The following MAST1 variants were observed in gnomAD, a reference collection of about 807,000 sequenced individuals.
The protein encoded by MAST1 is microtubule associated serine/threonine kinase 1.
A neutral mutation model predicts 124.6 loss-of-function variants in MAST1; 40 were observed. The ratio of observed to expected loss-of-function variants is 0.32; its 90% CI spans 0.25 to 0.42. The LOEUF (loss-of-function observed/expected upper bound fraction) is 0.42. MAST1 is among the 10% of genes least tolerant of loss of function. The pLI is 1.00. For synonymous variants in MAST1, 938 were observed against 939.4 expected, an observed-to-expected ratio of 1.00 and a Z score of 0.03; for missense variants, 1,558 against 2,181.9, an observed-to-expected ratio of 0.71 and a Z score of 5.70.
chr19:12,858,887 C>T (rs749649420), intron 12 of MAST1, 148 bp downstream of exon 12: 452 of 729,212 alleles, frequency 6.2e-4, no homozygotes, highest in Non-Finnish European at 9.3e-4. Context: ...TTGATTTGTC[C>T]ATCCATTCTA....
At position 12,845,441 on chromosome 19, in the gene MAST1, A is replaced by AGGTGTGAT. The variant is rs1346838498; in HGVS notation, c.327+1837_328-1839dup. ...AAAAAAAAAAAAAAAAAAATTAGCC[A>AGGTGTGAT]GGTGTGATGGCTTGTGCCTGAAGTC... is the stretch of plus-strand genomic sequence containing the variant. On this transcript the variant is annotated intron_variant, in intron 4 of 25. Coordinates refer to ENST00000251472, the MANE Select transcript of MAST1 (RefSeq NM_014975.3). Among the ~76,000 whole-genome samples the AGGTGTGAT allele has an allele frequency of 2.8e-5, 4 of 142,980 alleles. No individual in the cohort carries two copies. In the East Asian group the frequency reaches 8.1e-4, roughly 29 times the overall value. 93.8% of individuals were successfully genotyped at this position (142,980 alleles called of 152,430 possible).
chr19:12,840,847 A>G, intron 2 of MAST1, 144 bp from the exon 3 acceptor site: 2 of 767,842 alleles, frequency 2.6e-6, no homozygotes, highest in Non-Finnish European at 4.9e-6. Flanking sequence ...CAACGAAAAA[A>G]TTTAGAGAGG....
Position 12,874,390 on chromosome 19 carries a change from G to A in MAST1, c.4233G>A (p.Ala1411=), listed in dbSNP as rs940376323. The A allele has an allele frequency of 1.3e-6, 2 of 1,598,572 alleles. No individual in the cohort carries two copies. Among genetic ancestry groups the A allele is most frequent in the Non-Finnish European group, 1.7e-6 (2 of 1,179,126 alleles). Reference sequence around the variant, plus strand: ...TGGCCAGGGCTGTGGCCAAGGCGGCGCTGAGCCCGGTGCAGGAACACGAGA... The same window carrying A: ...TGGCCAGGGCTGTGGCCAAGGCGGCACTGAGCCCGGTGCAGGAACACGAGA... ...GGMARAVAKA[A]LSPVQEHETG... is the part of the protein sequence containing the mutation. Residue 1411 remains alanine (A), a synonymous_variant, in exon 26 of 26, where the codon GCG becomes GCA. Coordinates refer to ENST00000251472, the MANE Select transcript of MAST1 (RefSeq NM_014975.3). The surrounding 1 kb of genome is among the most constrained non-coding windows in gnomAD (Gnocchi z 6.6).
chr19:12,852,431 T>A, intron 10 of MAST1, 36 bp downstream of exon 10: 1 of 1,497,324 alleles, frequency 6.7e-7, no homozygotes, highest in Non-Finnish European at 9.3e-7. Flanking sequence ...GTACCCTGGT[T>A]CCTGGGAGGG....
In MAST1 at chr19:12,862,983, T is replaced by C. The variant is rs576345085; in HGVS notation, c.1367-1826T>C. 2.6e-4 allele frequency among the ~76,000 whole-genome samples: 39 copies of C among 151,782 alleles called. 1 individual carries two copies. In the South Asian group the frequency reaches 7.1e-3, roughly 27 times the overall value. The stretch of plus-strand genomic sequence containing the variant: ...TGCCCGGCCAATGAAACCCTGTTTC[T>C]ACTAAAATTACAAAAATTAGCCAGG... On this transcript the variant is annotated intron_variant, in intron 12 of 25. Coordinates refer to ENST00000251472, the MANE Select transcript of MAST1 (RefSeq NM_014975.3).
chr19:12,857,003 GT>G (rs936878738), intron 10 of MAST1, among the ~76,000 whole-genome samples: 1 of 152,128 alleles, frequency 6.6e-6, no homozygotes, highest in Non-Finnish European at 1.5e-5. Context: ...AGGTTTTGGA[GT>G]TTTTTCTCCC....
rs1416953014 is a variant in MAST1 at position 12,847,805 on chromosome 19, C to A, written c.565-43C>A. The A allele has an allele frequency of 6.3e-7, 1 of 1,583,072 alleles. No individual in the cohort carries two copies. The highest frequency in any genetic ancestry group is 8.6e-7 in the Non-Finnish European group (1 of 1,161,918). ...CAGCGCAGGCTCCTGGCGGCCGCAGCCTTCGGGCACAGCCCCGCGCCCCTC... is the reference window on the plus strand; with the variant it reads ...CAGCGCAGGCTCCTGGCGGCCGCAGACTTCGGGCACAGCCCCGCGCCCCTC... On this transcript the variant is annotated intron_variant, in intron 6 of 25. Transcript: ENST00000251472. This position sits in a 1 kb window ranked among gnomAD's most constrained non-coding sequence, Gnocchi z 5.5.
intron 20 of MAST1, 100 bp from the exon 21 acceptor site, chr19:12,868,543 T>C: frequency 9.6e-7 from 1 of 1,038,630 alleles, no homozygotes; most frequent in Non-Finnish European, 1.4e-6. Context: ...TCACCATCCA[T>C]CAAGGGTAAA....
chr19:12,866,674 A>C lies in MAST1; in HGVS notation c.2051A>C (p.His684Pro). The C allele has an allele frequency of 6.2e-7, 1 of 1,613,824 alleles. No individual in the cohort carries two copies. The change falls in exon 18 of 26, where the codon CAC becomes CCC. Residue 684 changes from histidine to proline, a missense_variant. By Grantham distance (77) the His-to-Pro change is moderately conservative. This residue lies in a region of MAST1 where 145 missense variants were observed against 350.0 expected (regional missense o/e 0.41). Coordinates refer to ENST00000251472, the MANE Select transcript of MAST1 (RefSeq NM_014975.3). The surrounding 1 kb of genome is among the most constrained non-coding windows in gnomAD (Gnocchi z 5.2). ...YFDTRSDRYH[H>P]VNSYDEDDTT... Reference sequence around the variant, plus strand: ...CCAGCCCGCTCAGACAGGTATCACCACGTGAACTCCTATGACGAGGATGAC... The same window carrying C: ...CCAGCCCGCTCAGACAGGTATCACCCCGTGAACTCCTATGACGAGGATGAC...
Position 12,865,935 on chromosome 19 carries a change from T to C in MAST1, c.1907-45T>C, listed in dbSNP as rs1970148698. ...GAAGACATGGGGGGCGGGGCTGGGCTGCTGGGTTGGCCATCAGCTGTGGCT... is the reference window on the plus strand; with the variant it reads ...GAAGACATGGGGGGCGGGGCTGGGCCGCTGGGTTGGCCATCAGCTGTGGCT... On this transcript the variant is annotated intron_variant, in intron 16 of 25. Coordinates refer to ENST00000251472, the MANE Select transcript of MAST1 (RefSeq NM_014975.3). The surrounding 1 kb of genome is among the most constrained non-coding windows in gnomAD (Gnocchi z 7.1). 2 of 1,612,676 alleles carry C rather than the reference T, an allele frequency of 1.2e-6. No individual in the cohort carries two copies. Among genetic ancestry groups the C allele is most frequent in the Admixed American group, 1.7e-5 (1 of 59,970 alleles).
At chr19:12,873,004 G>T (rs1022857011) in intron 24 of MAST1, among the ~76,000 whole-genome samples, 4 of 152,152 alleles carry the variant, frequency 2.6e-5, no homozygotes, top group African/African-American at 4.8e-5. Flanking sequence ...AGGAGCTAAA[G>T]GAAGTTCTAT....
At position 12,874,740 on chromosome 19, in the gene MAST1, C is replaced by T; in HGVS notation, c.4583C>T (p.Pro1528Leu). The change falls in exon 26 of 26, where the codon CCA (proline) becomes CTA (leucine). Residue 1528 changes from proline to leucine, a missense_variant. Pro to Leu is a moderately conservative substitution (Grantham distance 98, BLOSUM62 -3). Coordinates refer to ENST00000251472, the MANE Select transcript of MAST1 (RefSeq NM_014975.3). The surrounding 1 kb of genome is among the most constrained non-coding windows in gnomAD (Gnocchi z 6.6). ...CCCAGCAGTGCAGTGACCCCAGTCC[C>T]ACCCGCATCCCTCTTGGGCTCAGGC... ...SAPSSAVTPVPPASLLGSGTK... is the reference protein window; with the variant it reads ...SAPSSAVTPVLPASLLGSGTK... The T allele has an allele frequency of 1.2e-6, 2 of 1,602,108 alleles. No individual in the cohort carries two copies. Among genetic ancestry groups the T allele is most frequent in the Non-Finnish European group, 1.7e-6 (2 of 1,171,030 alleles).
intron 4 of MAST1, among the ~76,000 whole-genome samples, chr19:12,846,659 C>G (rs549764976): frequency 6.6e-6 from 1 of 151,920 alleles, no homozygotes; most frequent in African/African-American, 2.4e-5. Flanking sequence ...GGTGGATCAC[C>G]TGATGTCAGG....
At chr19:12,840,797 T>A (rs1001823160) in intron 2 of MAST1, among the ~76,000 whole-genome samples, 194 bp from the exon 3 acceptor site, 1 of 148,422 alleles carries the variant, frequency 6.7e-6, no homozygotes, top group Non-Finnish European at 1.5e-5. Context: ...CCATCCCAGA[T>A]GAAGCCAGAA....
chr19:12,852,220 C>T lies in MAST1; in HGVS notation c.982C>T (p.Leu328=). ...TDIPRYIIRQ[L]GLTRDPFPDV... is the part of the protein sequence containing the mutation. Reference sequence around the variant, plus strand: ...CATCCCCCGCTACATCATCCGCCAGCTGGGCCTCACCCGTGACCCCTTTCC... The same window carrying T: ...CATCCCCCGCTACATCATCCGCCAGTTGGGCCTCACCCGTGACCCCTTTCC... The change falls in exon 9 of 26, where the codon CTG becomes TTG. Residue 328 remains leucine (L), a synonymous_variant. Transcript: ENST00000251472. 4.3e-6 allele frequency: 7 copies of T among 1,614,126 alleles called. No homozygotes were observed. Among genetic ancestry groups the T allele is most frequent in the Non-Finnish European group, 5.9e-6 (7 of 1,180,034 alleles).
At chr19:12,872,780 C>G (rs1356814797) in intron 24 of MAST1, 1 of 154,900 alleles carries the variant, frequency 6.5e-6, no homozygotes, top group African/African-American at 2.4e-5. Flanking sequence ...GTAGTCCCAC[C>G]TACTCAGGAG....
chr19:12,858,332 G>A (rs777440516), intron 10 of MAST1, 30 bp from the exon 11 acceptor site: 1 of 1,584,382 alleles, frequency 6.3e-7, no homozygotes, highest in South Asian at 1.1e-5. Context: ...TGATGATGAT[G>A]GTGGTGTGGT....
chr19:12,848,237 G>T (rs1392703875), intron 7 of MAST1, 180 bp downstream of exon 7: 11 of 604,916 alleles, frequency 1.8e-5, no homozygotes, highest in Non-Finnish European at 3.2e-5. Flanking sequence ...GACTGAAGAG[G>T]CAGGAATTTC....
At position 12,874,906 on chromosome 19, in the gene MAST1, C is replaced by T. The variant is rs745613234; in HGVS notation, c.*36C>T. ...CATCGGCCCCGCGCTGTACAGCCTC[C>T]GTATACATATGTACACATATAAATA... On this transcript the variant is annotated 3_prime_UTR_variant, in exon 26 of 26. Coordinates refer to ENST00000251472, the MANE Select transcript of MAST1 (RefSeq NM_014975.3). This position sits in a 1 kb window ranked among gnomAD's most constrained non-coding sequence, Gnocchi z 6.6. 3.8e-6 allele frequency: 6 copies of T among 1,561,144 alleles called. No individual in the cohort carries two copies. Among genetic ancestry groups the T allele is most frequent in the East Asian group, 4.7e-5 (2 of 42,892 alleles).
Sources: gnomAD v4.1 joint callset for allele counts (sites outside exome capture counted in the v4.1 genomes callset) on GRCh38, gnomAD v4.1.1 for gene constraint, gnomAD v4.1.1 regional missense constraint, Gnocchi (gnomAD v3.1) non-coding constraint, MANE v1.5 for transcripts, NCBI Gene and HGNC (gene_info 2026-07-23, HGNC 2026-07-21) for gene names.